Variants in MYO18B observed in about 807,000 individuals in gnomAD.
The protein encoded by MYO18B is unconventional myosin-XVIIIb.
MYO18B carries 204 observed loss-of-function variants against 273.0 expected under a neutral mutation model. The observed-to-expected ratio is 0.75, with a 90% CI of 0.67 to 0.84. The LOEUF (loss-of-function observed/expected upper bound fraction) is 0.84, where lower values mean the gene tolerates loss of function less well. Ranked by LOEUF, MYO18B falls within the 40% of genes least tolerant of loss-of-function variation. The pLI is 0.00. For synonymous variants in MYO18B, 1,330 were observed against 1,305.7 expected, an observed-to-expected ratio of 1.02 and a Z score of -0.40; for missense variants, 3,212 against 3,287.6, an observed-to-expected ratio of 0.98 and a Z score of 0.56.
intron 25 of MYO18B, among the ~76,000 whole-genome samples, chr22:25,882,944 T>A (rs979900716): frequency 2.0e-5 from 3 of 152,218 alleles, no homozygotes; most frequent in Non-Finnish European, 4.4e-5. Flanking sequence ...TTGCCCAGGC[T>A]GGAATGCAGT....
At chr22:26,021,738 C>T (rs1935832535) in intron 42 of MYO18B, among the ~76,000 whole-genome samples, 1 of 152,184 alleles carries the variant, frequency 6.6e-6, no homozygotes, top group South Asian at 2.1e-4. Context: ...ACTTGGTTGC[C>T]AGCTGTGTGT....
chr22:25,749,590 G>A (rs1169801063), intron 1 of MYO18B, among the ~76,000 whole-genome samples: 1 of 152,202 alleles, frequency 6.6e-6, no homozygotes, highest in Non-Finnish European at 1.5e-5. Context: ...GAGAGCCTGG[G>A]GGTAGGGAGC....
intron 10 of MYO18B, among the ~76,000 whole-genome samples, chr22:25,784,818 T>C (rs2087310831): frequency 6.6e-6 from 1 of 152,190 alleles, no homozygotes; most frequent in Non-Finnish European, 1.5e-5. Context: ...AACCTGCAGG[T>C]TGAACACGGG....
Position 25,935,365 on chromosome 22 carries a change from G to A in MYO18B, c.5518-10772G>A, listed in dbSNP as rs141050008. Among the ~76,000 whole-genome samples, 818 of 152,282 alleles carry A rather than the reference G, an allele frequency of 5.4e-3. 2 individuals are homozygous for A. The highest frequency in any genetic ancestry group is 9.0e-3 in the Non-Finnish European group (611 of 68,006). The stretch of plus-strand genomic sequence containing the variant: ...AGTAAGTTGTAAAAGTGGCCGAGTG[G>A]TCATGCCTTAGGCATGCCCTCCTGA... On this transcript the variant is annotated intron_variant, in intron 34 of 43. Transcript: ENST00000335473.
intron 11 of MYO18B, among the ~76,000 whole-genome samples, chr22:25,787,270 GCGCACACACA>G (rs1257772823): frequency 1.4e-4 from 6 of 42,624 alleles, no homozygotes; most frequent in African/African-American, 1.9e-4. Flanking sequence ...GTGCAGGCGC[GCGCACACACA>G]CACACACACA....
chr22:25,818,161 C>T (rs2089119258), intron 12 of MYO18B, among the ~76,000 whole-genome samples: 1 of 152,174 alleles, frequency 6.6e-6, no homozygotes, highest in South Asian at 2.1e-4. Flanking sequence ...GTGTGTGATC[C>T]CCTCTGGAGT....
At chr22:25,908,677 A>C (rs111893117) in intron 32 of MYO18B, among the ~76,000 whole-genome samples, 2 of 152,318 alleles carry the variant, frequency 1.3e-5, no homozygotes, top group African/African-American at 4.8e-5. Flanking sequence ...AGAGATTTCT[A>C]CTAAGTCCCC....
intron 34 of MYO18B, among the ~76,000 whole-genome samples, chr22:25,936,253 T>A (rs888385557): frequency 6.6e-6 from 1 of 152,200 alleles, no homozygotes; most frequent in East Asian, 1.9e-4. Flanking sequence ...TGATCCAGAT[T>A]CATCATCACC....
intron 38 of MYO18B, among the ~76,000 whole-genome samples, chr22:25,954,398 C>G (rs564268028): frequency 1.6e-4 from 25 of 151,852 alleles, no homozygotes; most frequent in African/African-American, 5.8e-4. Context: ...GCAGAGTTCT[C>G]TCTTCATTGC....
chr22:25,952,090 G>C (rs937023141), intron 37 of MYO18B, among the ~76,000 whole-genome samples, 196 bp from the exon 38 acceptor site: 1 of 152,170 alleles, frequency 6.6e-6, no homozygotes, highest in Non-Finnish European at 1.5e-5. Flanking sequence ...AGGGTCTGGT[G>C]TGAGGGTCCA....
At chr22:25,891,005 A>C in intron 26 of MYO18B, 130 bp downstream of exon 26, 44 of 1,352,176 alleles carry the variant, frequency 3.3e-5, no homozygotes, top group Non-Finnish European at 3.6e-5. Context: ...TGCTGGGCTC[A>C]AGGTCCTGGG....
intron 43 of MYO18B, among the ~76,000 whole-genome samples, chr22:26,030,045 C>T (rs1936578504): frequency 6.6e-6 from 1 of 152,096 alleles, no homozygotes; most frequent in South Asian, 2.1e-4. Flanking sequence ...ATTCCAGGCC[C>T]TCCACCCCAT....
intron 22 of MYO18B, among the ~76,000 whole-genome samples, chr22:25,873,850 G>A (rs1421517705): frequency 2.6e-5 from 4 of 152,306 alleles, no homozygotes; most frequent in Non-Finnish European, 4.4e-5. Flanking sequence ...CTTTCCTGGG[G>A]CCTGGGAATC....
In MYO18B at chr22:26,021,545, A is replaced by G. The variant is rs148946383; in HGVS notation, c.6471-4900A>G. 1.4e-3 allele frequency among the ~76,000 whole-genome samples: 218 copies of G among 152,378 alleles called. 2 individuals are homozygous for G. The highest frequency in any genetic ancestry group is 4.9e-3 in the African/African-American group (203 of 41,590). ...TTGAGCACCTACTGTGTCCTAAGAC[A>G]TTATTCTATAGACACTGGTAGCAGT... is the stretch of plus-strand genomic sequence containing the variant. On this transcript the variant is annotated intron_variant, in intron 42 of 43. Transcript: ENST00000335473.
chr22:25,758,864 T>TCTC (rs1446624887), intron 1 of MYO18B, among the ~76,000 whole-genome samples: 2 of 151,988 alleles, frequency 1.3e-5, no homozygotes, highest in Non-Finnish European at 2.9e-5. Flanking sequence ...TTCACACCAT[T>TCTC]CTGCCTCAGC....
In MYO18B at chr22:25,863,933, T is replaced by C. The variant is rs574495070; in HGVS notation, c.3886-4387T>C. On this transcript the variant is annotated intron_variant, in intron 21 of 43. Coordinates refer to ENST00000335473, the MANE Select transcript of MYO18B (RefSeq NM_032608.7). The stretch of plus-strand genomic sequence containing the variant: ...CCTATTTCCTGTGTCTCCTGTTAAA[T>C]TTCTGGCATGTTTAAGGTCCAGTGC... Among the ~76,000 whole-genome samples, 544 of 152,332 alleles carry C rather than the reference T, an allele frequency of 3.6e-3. 4 individuals are homozygous for C. The highest frequency in any genetic ancestry group is 0.012 in the African/African-American group (512 of 41,574).
intron 39 of MYO18B, among the ~76,000 whole-genome samples, chr22:25,971,594 C>T (rs183975228): frequency 6.6e-5 from 10 of 152,264 alleles, no homozygotes; most frequent in Admixed American, 3.9e-4. Context: ...CTCTGAGTTT[C>T]CCAGGATGAT....
intron 31 of MYO18B, among the ~76,000 whole-genome samples, chr22:25,906,829 A>G (rs2092054854): frequency 6.6e-6 from 1 of 152,154 alleles, no homozygotes; most frequent in Non-Finnish European, 1.5e-5. Context: ...AAACCATCAT[A>G]TCTTAAGAAA....
intron 35 of MYO18B, among the ~76,000 whole-genome samples, chr22:25,947,122 C>T (rs1200385878): frequency 6.6e-6 from 1 of 152,144 alleles, no homozygotes; most frequent in Non-Finnish European, 1.5e-5. Flanking sequence ...CATTCACACA[C>T]ACACATACAC....
Sources: allele counts gnomAD v4.1 joint callset (sites outside exome capture counted in the v4.1 genomes callset), GRCh38; gene constraint gnomAD v4.1.1; transcripts MANE v1.5; gene names NCBI Gene and HGNC (gene_info 2026-07-23, HGNC 2026-07-21).